The following DYSF variants were observed in gnomAD, a reference collection of about 807,000 sequenced individuals.
DYSF encodes dysferlin, also known as dystrophy-associated fer-1-like 1.
DYSF carries 212 observed loss-of-function variants against 274.9 expected under a neutral mutation model. That is an observed-to-expected ratio of 0.77 (90% confidence interval 0.69 to 0.86). The LOEUF (loss-of-function observed/expected upper bound fraction) is 0.86, where lower values mean the gene tolerates loss of function less well. DYSF is among the 40% of genes least tolerant of loss of function. The pLI is 0.00. For missense variants in DYSF, 2,666 were observed against 2,783.2 expected, an observed-to-expected ratio of 0.96 and a Z score of 0.95; for synonymous variants, 1,091 against 1,078.7, an observed-to-expected ratio of 1.01 and a Z score of -0.22.
intron 19 of DYSF, among the ~76,000 whole-genome samples, 194 bp from the exon 20 acceptor site, chr2:71,552,817 C>G (rs957173481): frequency 9.9e-5 from 15 of 152,244 alleles, no homozygotes; most frequent in African/African-American, 3.6e-4. Context: ...ACATGCAGAC[C>G]TGGAATGAGC....
chr2:71,682,559 C>A lies in DYSF; in HGVS notation c.6203C>A (p.Thr2068Asn), dbSNP rs1261660052. 12 of 1,614,000 alleles carry A rather than the reference C, an allele frequency of 7.4e-6. No homozygotes were observed. Among genetic ancestry groups the A allele is most frequent in the African/African-American group, 4.0e-5 (3 of 74,892 alleles). Residue 2068 changes from threonine to asparagine, a missense_variant, in exon 55 of 56, where the codon ACC becomes AAC. By Grantham distance (65) the Thr-to-Asn change is moderately conservative (BLOSUM62 0). Transcript: ENST00000410020. ...RRPDTSFLWF[T>N]SPYKTMKFIL... ...CCCGACACCTCCTTCCTGTGGTTTACCTCCCCATACAAGACCATGAAGTTC... is the reference window on the plus strand; with the variant it reads ...CCCGACACCTCCTTCCTGTGGTTTAACTCCCCATACAAGACCATGAAGTTC...
chr2:71,634,928 T>C (rs2094374015), intron 41 of DYSF, among the ~76,000 whole-genome samples: 1 of 152,164 alleles, frequency 6.6e-6, no homozygotes, highest in African/African-American at 2.4e-5. Context: ...CCACTAACTT[T>C]CAAGCCCTAC....
At chr2:71,572,475 T>A (rs969095769) in intron 29 of DYSF, among the ~76,000 whole-genome samples, 2 of 152,254 alleles carry the variant, frequency 1.3e-5, no homozygotes, top group African/African-American at 4.8e-5. Context: ...ACCCATGGAC[T>A]TTGTCTTAGG....
intron 3 of DYSF, among the ~76,000 whole-genome samples, chr2:71,488,018 G>A (rs560870294): frequency 3.3e-5 from 5 of 152,182 alleles, no homozygotes; most frequent in African/African-American, 1.2e-4. Context: ...TGCAAACACT[G>A]ACTTGGGAAG....
intron 10 of DYSF, among the ~76,000 whole-genome samples, chr2:71,519,481 C>T (rs575399688): frequency 6.6e-6 from 1 of 152,192 alleles, no homozygotes; most frequent in South Asian, 2.1e-4. Flanking sequence ...TACTCCCTGC[C>T]CCCTGCCCCT....
chr2:71,530,477 A>G (rs570526441), intron 14 of DYSF, among the ~76,000 whole-genome samples: 127 of 151,992 alleles, frequency 8.4e-4, no homozygotes, highest in Non-Finnish European at 1.2e-3. Context: ...GGCCCTGGGG[A>G]TTTCTTTAGG....
intron 17 of DYSF, among the ~76,000 whole-genome samples, chr2:71,539,462 A>C (rs571166812): frequency 6.6e-6 from 1 of 152,288 alleles, no homozygotes; most frequent in East Asian, 1.9e-4. Flanking sequence ...GAAGGGCACA[A>C]AGAGGATAAT....
Position 71,613,352 on chromosome 2 carries a change from G to T in DYSF, c.4406G>T (p.Ser1469Ile). ...QGGPDDVSLLSPGEDVLIDID... is the reference protein window; with the variant it reads ...QGGPDDVSLLIPGEDVLIDID... ...CCTGCAGACGATGTGAGCCTACTCA[G>T]TCCTGGGGAAGACGTGCTCATCGAC... Residue 1469 changes from serine (S) to isoleucine (I), a missense_variant, in exon 40 of 56, where the codon AGT becomes ATT. Ser to Ile is a moderately radical substitution (Grantham distance 142, BLOSUM62 -2). Coordinates refer to ENST00000410020, the MANE Select transcript of DYSF (RefSeq NM_001130987.2). The T allele has an allele frequency of 6.2e-7, 1 of 1,613,340 alleles. No individual in the cohort carries two copies. The highest frequency in any genetic ancestry group is 8.5e-7 in the Non-Finnish European group (1 of 1,179,774).
rs765049772 is a variant in DYSF, at chr2:71,611,633, C to T, written c.4221+7C>T. The T allele has an allele frequency of 2.5e-6, 4 of 1,613,002 alleles. No homozygotes were observed. The South Asian group carries it at 3.3e-5, about 13-fold the overall frequency. On this transcript the variant is annotated splice_region_variant and intron_variant, in intron 38 of 55. Coordinates refer to ENST00000410020, the MANE Select transcript of DYSF (RefSeq NM_001130987.2). ...CACCCTCTTCATGGAAGTGGTGAGC[C>T]CCACCTCCCTACTGTCCCCTTCCAG...
intron 41 of DYSF, among the ~76,000 whole-genome samples, chr2:71,632,280 T>C (rs1331800808): frequency 1.3e-5 from 2 of 152,230 alleles, no homozygotes; most frequent in African/African-American, 2.4e-5. Flanking sequence ...TGTCTTTAAC[T>C]CTTCTCTACA....
chr2:71,459,866 T>C (rs2081214338), intron 1 of DYSF, among the ~76,000 whole-genome samples: 1 of 151,520 alleles, frequency 6.6e-6, no homozygotes, highest in Non-Finnish European at 1.5e-5. Flanking sequence ...TTTAGTCCCC[T>C]TCCCCCTTAA....
chr2:71,486,137 T>G (rs2083341505), intron 3 of DYSF, among the ~76,000 whole-genome samples: 1 of 152,082 alleles, frequency 6.6e-6, no homozygotes, highest in South Asian at 2.1e-4. Context: ...CCCGGAGTCA[T>G]CATGCAGCCA....
In DYSF at chr2:71,660,558, A is replaced by C; in HGVS notation, c.4912-2A>C. On this transcript the variant is annotated splice_acceptor_variant, in intron 44 of 55. Coordinates refer to ENST00000410020, the MANE Select transcript of DYSF (RefSeq NM_001130987.2). LOFTEE classifies it high-confidence loss of function. ...ACAGAAGTGTTTTGTCTCCTCCTCC[A>C]GTGTGATCCTTACATCAAGATCTCC... 1 of 1,613,430 alleles carries C rather than the reference A, an allele frequency of 6.2e-7. No homozygotes were observed. The highest frequency in any genetic ancestry group is 1.1e-5 in the South Asian group (1 of 91,068).
Position 71,574,298 on chromosome 2 carries a change from G to C in DYSF, c.3329G>C (p.Arg1110Pro). Residue 1110 changes from arginine (R) to proline (P), a missense_variant, in exon 30 of 56, where the codon CGC (arginine) becomes CCC (proline). Physicochemically the swap from Arg to Pro is moderately radical, Grantham distance 103. Coordinates refer to ENST00000410020, the MANE Select transcript of DYSF (RefSeq NM_001130987.2). ...CGCAAGACAGATGCCTTCCGCCGCC[G>C]CCGCTGGCGCCGTCGCATGGAGCCA... ...EYRKTDAFRR[R>P]RWRRRMEPLE... The C allele has an allele frequency of 6.2e-7, 1 of 1,614,072 alleles. No individual in the cohort carries two copies. The highest frequency in any genetic ancestry group is 8.5e-7 in the Non-Finnish European group (1 of 1,179,994).
Position 71,505,910 on chromosome 2 carries a change from G to A in DYSF, c.345+2591G>A, listed in dbSNP as rs1169766948. 9.2e-5 allele frequency among the ~76,000 whole-genome samples: 14 copies of A among 152,350 alleles called. 1 individual carries two copies. Among genetic ancestry groups the A allele is most frequent in the Non-Finnish European group, 1.2e-4 (8 of 68,028 alleles). ...CAGGGAAGCCAGGAGGGCACTGTGT[G>A]TTGGGAGCGGGGACCTGAGGCGGGC... On this transcript the variant is annotated intron_variant, in intron 4 of 55. Coordinates refer to ENST00000410020, the MANE Select transcript of DYSF (RefSeq NM_001130987.2).
intron 23 of DYSF, among the ~76,000 whole-genome samples, chr2:71,563,646 G>T (rs2152805790): frequency 6.6e-6 from 1 of 152,332 alleles, no homozygotes; most frequent in East Asian, 1.9e-4. Context: ...GGCTGAGGAA[G>T]GCGGGTGGTG....
chr2:71,574,073 G>T, intron 29 of DYSF, 125 bp from the exon 30 acceptor site: 1 of 1,225,154 alleles, frequency 8.2e-7, no homozygotes, highest in South Asian at 1.4e-5. Flanking sequence ...TTCCCACCTG[G>T]AGGGCACTAG....
chr2:71,581,488 G>A (rs2092898559), intron 30 of DYSF, among the ~76,000 whole-genome samples: 1 of 152,262 alleles, frequency 6.6e-6, no homozygotes, highest in Non-Finnish European at 1.5e-5. Context: ...CTCCTGGCCT[G>A]TGTGGGGTTT....
At chr2:71,576,073 C>A (rs1304200883) in intron 30 of DYSF, among the ~76,000 whole-genome samples, 1 of 152,220 alleles carries the variant, frequency 6.6e-6, no homozygotes, top group Non-Finnish European at 1.5e-5. Context: ...TCAGTGAAGT[C>A]TTCGGCATGA....
Sources: allele counts gnomAD v4.1 joint callset (sites outside exome capture counted in the v4.1 genomes callset), GRCh38; gene constraint gnomAD v4.1.1; transcripts MANE v1.5; gene names NCBI Gene and HGNC (gene_info 2026-07-23, HGNC 2026-07-21).